The following ALLC variants were observed in gnomAD, a reference collection of about 807,000 sequenced individuals.
ALLC encodes allantoicase.
A neutral mutation model predicts 45.0 loss-of-function variants in ALLC; 40 were observed. The ratio of observed to expected loss-of-function variants is 0.89; its 90% CI spans 0.69 to 1.16. The LOEUF (loss-of-function observed/expected upper bound fraction) is 1.16, where lower values mean the gene tolerates loss of function less well. Among genes scored for constraint, ALLC ranks in the 50% most tolerant of loss-of-function variants. ALLC has a pLI of 0.00. For synonymous variants in ALLC, 176 were observed against 178.1 expected (o/e 0.99, Z 0.09); for missense variants, 488 against 493.1 (o/e 0.99, Z 0.10).
At chr2:3,694,762 C>T (rs1045823185) in intron 7 of ALLC, 2 of 152,146 alleles carry the variant, frequency 1.3e-5, no homozygotes, top group Admixed American at 6.5e-5. Context: ...TTTCAGATCA[C>T]TCATTTTCAC....
rs1309147218 is a variant in ALLC at position 3,702,487 on chromosome 2, C to T, written c.1100C>T (p.Pro367Leu). The T allele has an allele frequency of 3.1e-6, 5 of 1,612,120 alleles. No individual in the cohort carries two copies. Among genetic ancestry groups the T allele is most frequent in the Non-Finnish European group, 4.2e-6 (5 of 1,179,554 alleles). Residue 367 changes from proline (P) to leucine (L), a missense_variant, in exon 12 of 12, where the codon CCC (proline) becomes CTC (leucine). Transcript: ENST00000252505. ...GVSRLRLRGF[P>L]SSICLLRPRE... Reference sequence around the variant, plus strand: ...AGCCGCCTTCGGCTCCGGGGCTTCCCCAGCTCCATCTGCCTCCTGAGGCCC... The same window carrying T: ...AGCCGCCTTCGGCTCCGGGGCTTCCTCAGCTCCATCTGCCTCCTGAGGCCC...
At chr2:3,669,924 C>T (rs11683766) in intron 1 of ALLC, among the ~76,000 whole-genome samples, 33,859 of 152,064 alleles carry the variant, frequency 0.22, 3,981 homozygotes, top group African/African-American at 0.28. Context: ...AAATTCATGT[C>T]GGGAAGGTGC....
chr2:3,696,249 C>T (rs775653121), intron 8 of ALLC, 26 bp from the exon 9 acceptor site: 50 of 1,592,312 alleles, frequency 3.1e-5, no homozygotes, highest in Middle Eastern at 1.7e-4. Context: ...ATGCAGTTTA[C>T]CATTCAACAA....
chr2:3,686,379 G>T (rs1667335086), intron 7 of ALLC, among the ~76,000 whole-genome samples: 1 of 150,896 alleles, frequency 6.6e-6, no homozygotes. Context: ...AGTACATTTT[G>T]AAGTCAGGTA....
At chr2:3,668,684 T>C (rs982923663) in intron 1 of ALLC, among the ~76,000 whole-genome samples, 1 of 147,284 alleles carries the variant, frequency 6.8e-6, no homozygotes, top group Non-Finnish European at 1.5e-5. Flanking sequence ...CAAGTGATTC[T>C]CCTGCCTCAG....
chr2:3,699,728 A>T (rs1457892749), intron 10 of ALLC, among the ~76,000 whole-genome samples: 2 of 152,008 alleles, frequency 1.3e-5, no homozygotes, highest in Non-Finnish European at 2.9e-5. Flanking sequence ...AGTGGTTTTG[A>T]TTTGCATTTC....
At chr2:3,674,261 G>A in intron 3 of ALLC, 136 bp downstream of exon 3, 2 of 715,804 alleles carry the variant, frequency 2.8e-6, no homozygotes, top group Non-Finnish European at 4.9e-6. Flanking sequence ...TAGAATGTTA[G>A]AAAGACATGC....
In ALLC at chr2:3,697,414, G is replaced by A; in HGVS notation, c.808G>A (p.Gly270Arg). ...EWAVFRLAHP[G>R]VITRIEIDTK... is the part of the protein sequence containing the mutation. ...GGCAGTTTTCCGATTGGCACATCCT[G>A]GAGTAATAACTCGAATTGAAATTGA... Residue 270 changes from glycine (G) to arginine (R), a missense_variant, in exon 10 of 12, where the codon GGA becomes AGA. By Grantham distance (125) the Gly-to-Arg change is moderately radical (BLOSUM62 -2). Coordinates refer to ENST00000252505, the MANE Select transcript of ALLC (RefSeq NM_018436.4). 6.2e-7 allele frequency: 1 copy of A among 1,613,856 alleles called. No homozygotes were observed. The highest frequency in any genetic ancestry group is 1.1e-5 in the South Asian group (1 of 91,070).
At chr2:3,690,858 C>T (rs1364927281) in intron 7 of ALLC, among the ~76,000 whole-genome samples, 1 of 151,926 alleles carries the variant, frequency 6.6e-6, no homozygotes, top group African/African-American at 2.4e-5. Context: ...GAATTACACA[C>T]TATAATTACA....
chr2:3,685,428 C>G lies in ALLC; in HGVS notation c.511+2354C>G, dbSNP rs186354744. Among the ~76,000 whole-genome samples the G allele has an allele frequency of 4.5e-4, 66 of 146,002 alleles. 2 individuals carry two copies. Among genetic ancestry groups the G allele is most frequent in the Admixed American group, 3.4e-3 (50 of 14,606 alleles). On this transcript the variant is annotated intron_variant, in intron 7 of 11. Coordinates refer to ENST00000252505, the MANE Select transcript of ALLC (RefSeq NM_018436.4). ...GGCATGTCTTACATGGCAGCAGGATCGAGAGAGAGAGAGAGAGACAGAGAG... is the reference window on the plus strand; with the variant it reads ...GGCATGTCTTACATGGCAGCAGGATGGAGAGAGAGAGAGAGAGACAGAGAG...
intron 7 of ALLC, among the ~76,000 whole-genome samples, chr2:3,690,250 TTCCCTTCCCTTCCCTCC>T (rs1667441282): frequency 5.2e-4 from 15 of 28,706 alleles, no homozygotes; most frequent in South Asian, 2.0e-3. Flanking sequence ...TCCCCTCCCC[TTCCCTTCCCTTCCCTCC>T]CCCCTCCCCT....
intron 1 of ALLC, among the ~76,000 whole-genome samples, chr2:3,660,879 G>T (rs13432737): frequency 0.011 from 1,584 of 149,694 alleles, 7 homozygotes; most frequent in Non-Finnish European, 0.013. Flanking sequence ...GCAGGTGATC[G>T]GAATGAGTCA....
At chr2:3,692,559 G>C (rs1248564851) in intron 7 of ALLC, among the ~76,000 whole-genome samples, 1 of 152,178 alleles carries the variant, frequency 6.6e-6, no homozygotes, top group African/African-American at 2.4e-5. Flanking sequence ...TTCAGCACTA[G>C]ATGGCACCTT....
chr2:3,669,859 C>T (rs940255500), intron 1 of ALLC, among the ~76,000 whole-genome samples: 15 of 152,184 alleles, frequency 9.9e-5, no homozygotes, highest in African/African-American at 3.1e-4. Context: ...TTGGACCTGT[C>T]GGCTTTGAGA....
intron 10 of ALLC, among the ~76,000 whole-genome samples, chr2:3,701,043 C>A (rs976039604): frequency 6.6e-6 from 1 of 152,194 alleles, no homozygotes; most frequent in Admixed American, 6.5e-5. Context: ...CCCAAATACA[C>A]GTGTGTGGCT....
At chr2:3,696,786 C>G (rs1667685213) in intron 9 of ALLC, among the ~76,000 whole-genome samples, 1 of 152,140 alleles carries the variant, frequency 6.6e-6, no homozygotes, top group Non-Finnish European at 1.5e-5. Flanking sequence ...TGGCCAGTAA[C>G]TAATTTGAGA....
At chr2:3,649,142 A>G in the ALLC span, among the ~76,000 whole-genome samples, 1 of 152,212 alleles carries the variant, frequency 6.6e-6, no homozygotes, top group South Asian at 2.1e-4. Flanking sequence ...TAATGAAACC[A>G]GTTCCACAAT....
chr2:3,651,862 C>T, the ALLC span, among the ~76,000 whole-genome samples: 1 of 152,156 alleles, frequency 6.6e-6, no homozygotes, highest in Non-Finnish European at 1.5e-5. Flanking sequence ...TGCTCTCGCG[C>T]TCTGCCCACG....
chr2:3,684,956 TG>T, intron 7 of ALLC, among the ~76,000 whole-genome samples: 1 of 152,174 alleles, frequency 6.6e-6, no homozygotes, highest in East Asian at 1.9e-4. Context: ...TCTATTCCTC[TG>T]TTAATGGGCA....
Sources: gnomAD v4.1 joint callset for allele counts (sites outside exome capture counted in the v4.1 genomes callset) on GRCh38, gnomAD v4.1.1 for gene constraint, MANE v1.5 for transcripts, NCBI Gene and HGNC (gene_info 2026-07-23, HGNC 2026-07-21) for gene names.